The following PTPRD variants were observed in gnomAD, a reference collection of about 807,000 sequenced individuals.
The protein encoded by PTPRD is receptor-type tyrosine-protein phosphatase delta.
A neutral mutation model predicts 214.5 loss-of-function variants in PTPRD; 34 were observed. The observed-to-expected ratio is 0.16, with a 90% CI of 0.12 to 0.21. PTPRD has a LOEUF of 0.21. Ranked by LOEUF, PTPRD falls within the 10% of genes least tolerant of loss-of-function variation. The pLI, the probability that PTPRD is intolerant of heterozygous loss-of-function variation, is 1.00. For synonymous variants in PTPRD, 1,128 were observed against 845.7 expected, an observed-to-expected ratio of 1.33 and a Z score of -5.79; for missense variants, 2,545 against 2,398.7, an observed-to-expected ratio of 1.06 and a Z score of -1.27.
chr9:9,296,932 G>A (rs546726107), intron 9 of PTPRD, among the ~76,000 whole-genome samples: 1 of 151,744 alleles, frequency 6.6e-6, no homozygotes, highest in Non-Finnish European at 1.5e-5. Flanking sequence ...TCCATCTAAA[G>A]CAATTAGTGT....
intron 2 of PTPRD, among the ~76,000 whole-genome samples, chr9:10,367,694 C>T (rs2097540076): frequency 6.6e-6 from 1 of 152,076 alleles, no homozygotes; most frequent in Admixed American, 6.6e-5. Context: ...CCACAGATGC[C>T]TTTCTTTACT....
At chr9:9,509,382 T>G (rs866085078) in intron 8 of PTPRD, among the ~76,000 whole-genome samples, 1 of 151,450 alleles carries the variant, frequency 6.6e-6, no homozygotes, top group Non-Finnish European at 1.5e-5. Flanking sequence ...TCTGAATTCC[T>G]TTCTCAGGAA....
intron 9 of PTPRD, among the ~76,000 whole-genome samples, chr9:9,279,954 G>C (rs116343738): frequency 0.013 from 1,954 of 151,240 alleles, 42 homozygotes; most frequent in African/African-American, 0.045. Flanking sequence ...ATATTTTTCA[G>C]GTTGTGGAAG....
intron 7 of PTPRD, among the ~76,000 whole-genome samples, chr9:9,578,161 C>G (rs1346195474): frequency 6.6e-6 from 1 of 150,660 alleles, no homozygotes; most frequent in African/African-American, 2.4e-5. Context: ...AGGCAAACCA[C>G]AAAAGAAATT....
At chr9:9,518,905 C>T (rs2096899108) in intron 8 of PTPRD, among the ~76,000 whole-genome samples, 2 of 151,970 alleles carry the variant, frequency 1.3e-5, no homozygotes, top group African/African-American at 2.4e-5. Context: ...AATTTGCTCT[C>T]TCTTCTCCAT....
chr9:9,468,649 CT>C (rs1320728625), intron 8 of PTPRD, among the ~76,000 whole-genome samples: 7 of 151,978 alleles, frequency 4.6e-5, no homozygotes, highest in African/African-American at 1.4e-4. Flanking sequence ...AAACCCAGTA[CT>C]TTTTTTGTTA....
chr9:9,965,706 G>A (rs1412395130), intron 4 of PTPRD, among the ~76,000 whole-genome samples: 2 of 152,164 alleles, frequency 1.3e-5, no homozygotes, highest in Non-Finnish European at 2.9e-5. Context: ...AATTTTGGCT[G>A]TAAGTGTTGG....
intron 10 of PTPRD, among the ~76,000 whole-genome samples, chr9:9,057,705 G>A (rs1413849700): frequency 6.6e-6 from 1 of 152,118 alleles, no homozygotes; most frequent in Non-Finnish European, 1.5e-5. Context: ...GGTGAGTAAA[G>A]CTGCTGAGAA....
intron 5 of PTPRD, among the ~76,000 whole-genome samples, chr9:9,908,162 G>A (rs1245292970): frequency 6.6e-6 from 1 of 151,948 alleles, no homozygotes; most frequent in Non-Finnish European, 1.5e-5. Context: ...AAAAGTCCAT[G>A]GAGATTGAAA....
chr9:10,544,643 C>T (rs919440621), intron 2 of PTPRD, among the ~76,000 whole-genome samples: 1 of 152,116 alleles, frequency 6.6e-6, no homozygotes, highest in African/African-American at 2.4e-5. Flanking sequence ...TTGGAAAGCT[C>T]GTCAGGTCAG....
intron 11 of PTPRD, among the ~76,000 whole-genome samples, chr9:8,904,366 G>A (rs888017051): frequency 1.3e-5 from 2 of 151,950 alleles, no homozygotes; most frequent in African/African-American, 4.8e-5. Context: ...CTCAAACTTG[G>A]ATCCAATCAA....
At chr9:10,388,955 T>A (rs932892800) in intron 2 of PTPRD, among the ~76,000 whole-genome samples, 3 of 151,742 alleles carry the variant, frequency 2.0e-5, no homozygotes, top group Non-Finnish European at 2.9e-5. Context: ...TGTATAGAAG[T>A]TGAAAGATTT....
intron 32 of PTPRD, among the ~76,000 whole-genome samples, chr9:8,464,601 C>T (rs573293977): frequency 1.4e-4 from 21 of 151,980 alleles, no homozygotes; most frequent in African/African-American, 4.3e-4. Flanking sequence ...TGGGTTGCCA[C>T]ACCTGTCATA....
Position 8,314,899 on chromosome 9 carries a change from C to T in PTPRD, c.*2975G>A. On this transcript the variant is annotated 3_prime_UTR_variant, in exon 46 of 46. Coordinates refer to ENST00000381196, the MANE Select transcript of PTPRD (RefSeq NM_002839.4). The stretch of plus-strand genomic sequence containing the variant: ...CAAAGTTCCCTAGAGGCCCTTCCCT[C>T]CCCTGGCTGTCCTCGCCGTTTTCTA... 1 of 232,494 alleles carries T rather than the reference C, an allele frequency of 4.3e-6. No homozygotes were observed. The highest frequency in any genetic ancestry group is 8.5e-6 in the Non-Finnish European group (1 of 117,270). The allele number at this position is 232,494 out of a possible 1,614,324, so 14.4% of individuals were successfully genotyped here.
At chr9:9,189,632 G>C (rs1199905005) in intron 9 of PTPRD, among the ~76,000 whole-genome samples, 1 of 151,838 alleles carries the variant, frequency 6.6e-6, no homozygotes, top group Non-Finnish European at 1.5e-5. Context: ...CCACTATACT[G>C]AAAAAGCAGA....
At chr9:10,582,039 G>C (rs1279774765) in intron 2 of PTPRD, among the ~76,000 whole-genome samples, 1 of 152,024 alleles carries the variant, frequency 6.6e-6, no homozygotes, top group Non-Finnish European at 1.5e-5. Context: ...ATATCCTTTT[G>C]GCAGCCATGA....
At chr9:9,031,523 G>A (rs1042341443) in intron 10 of PTPRD, among the ~76,000 whole-genome samples, 7 of 152,020 alleles carry the variant, frequency 4.6e-5, no homozygotes, top group Non-Finnish European at 8.8e-5. Flanking sequence ...TAACCATAGA[G>A]AAGGGAATGT....
intron 7 of PTPRD, among the ~76,000 whole-genome samples, chr9:9,653,009 A>C (rs911594643): frequency 1.6e-4 from 24 of 152,160 alleles, no homozygotes; most frequent in African/African-American, 5.1e-4. Flanking sequence ...ATATGGACTT[A>C]ATCAAAGCCC....
rs1284457235 is a variant in PTPRD, at chr9:8,921,104, G to A, written c.-104+97593C>T. Among the ~76,000 whole-genome samples, 4 of 152,138 alleles carry A rather than the reference G, an allele frequency of 2.6e-5. No homozygotes were observed. In the East Asian group the frequency reaches 7.9e-4, roughly 30 times the overall value. On this transcript the variant is annotated intron_variant, in intron 11 of 45. Coordinates refer to ENST00000381196, the MANE Select transcript of PTPRD (RefSeq NM_002839.4). ...GTTGGGATTACAGGCGTGAACCACC[G>A]CGTCTGGCCGAAGTTATTCTTTTCT...
Sources: allele counts gnomAD v4.1 joint callset (sites outside exome capture counted in the v4.1 genomes callset), GRCh38; gene constraint gnomAD v4.1.1; transcripts MANE v1.5; gene names NCBI Gene and HGNC (gene_info 2026-07-23, HGNC 2026-07-21).